TTC33: variants seen among roughly 807,000 people sequenced by gnomAD.
TTC33 encodes the protein tetratricopeptide repeat domain 33.
A neutral mutation model predicts 29.4 loss-of-function variants in TTC33; 24 were observed. The ratio of observed to expected loss-of-function variants is 0.82; its 90% CI spans 0.59 to 1.15. TTC33 has a LOEUF of 1.15. TTC33 is among the 50% of genes most tolerant of loss of function. The pLI is 0.00. For missense variants in TTC33, 286 were observed against 310.4 expected (o/e 0.92, Z 0.59); for synonymous variants, 107 against 100.3 (o/e 1.07, Z -0.40).
rs913016790 is a variant in TTC33, at chr5:40,726,462, C to CT, written c.435+1882dup. 7.3e-3 allele frequency among the ~76,000 whole-genome samples: 1,074 copies of CT among 146,432 alleles called. 8 individuals carry two copies. Among genetic ancestry groups the CT allele is most frequent in the African/African-American group, 0.024 (965 of 40,206 alleles). Reference sequence around the variant, plus strand: ...CCTTCGTTATGACATTTTGAGTCATCTTTTTTTTTTACCATTCTAGTCTTT... The same window carrying CT: ...CCTTCGTTATGACATTTTGAGTCATCTTTTTTTTTTTACCATTCTAGTCTTT... On this transcript the variant is annotated intron_variant, in intron 4 of 4. Coordinates refer to ENST00000337702, the MANE Select transcript of TTC33 (RefSeq NM_012382.3).
rs2111859743 is a variant in TTC33 at position 40,716,481 on chromosome 5, T to C, written c.453A>G (p.Gln151=). ...TCATTGGATAGATGTGAAGGGCTACTTGAAAACTTCGAATTGCCTAGAAAA... is the reference window on the plus strand; with the variant it reads ...TCATTGGATAGATGTGAAGGGCTACCTGAAAACTTCGAATTGCCTAGAAAA... ...GEIILAIRSF[Q]VALHIYPMNP... The change falls in exon 5 of 5, where the codon CAA becomes CAG. Residue 151 remains glutamine, a synonymous_variant. Transcript: ENST00000337702. 1 of 1,588,696 alleles carries C rather than the reference T, an allele frequency of 6.3e-7. No individual in the cohort carries two copies. Among genetic ancestry groups the C allele is most frequent in the Non-Finnish European group, 8.5e-7 (1 of 1,170,122 alleles).
rs139482757 is a variant in TTC33 at position 40,732,224 on chromosome 5, T to C, written c.222-1881A>G. On this transcript the variant is annotated intron_variant, in intron 2 of 4. Transcript: ENST00000337702. ...TAGAGACAGGGTCTCACTATGTTGC[T>C]CAGGCTGGTCTCAAACTTCTGGCCT... 4.2e-3 allele frequency among the ~76,000 whole-genome samples: 634 copies of C among 152,130 alleles called. 3 individuals are homozygous for C. The highest frequency in any genetic ancestry group is 0.015 in the African/African-American group (606 of 41,522).
chr5:40,755,341 G>A (rs1742964912), intron 1 of TTC33, among the ~76,000 whole-genome samples: 1 of 152,128 alleles, frequency 6.6e-6, no homozygotes, highest in Non-Finnish European at 1.5e-5. Flanking sequence ...TCCAAGAAAC[G>A]ATTTACCCAA....
At chr5:40,751,650 C>T (rs551252433) in intron 1 of TTC33, among the ~76,000 whole-genome samples, 2 of 152,256 alleles carry the variant, frequency 1.3e-5, no homozygotes, top group East Asian at 3.9e-4. Context: ...CAATAGAAAC[C>T]TGTGTCATCC....
chr5:40,730,842 GA>G (rs1554027431), intron 2 of TTC33, among the ~76,000 whole-genome samples: 1 of 151,824 alleles, frequency 6.6e-6, no homozygotes, highest in Non-Finnish European at 1.5e-5. Context: ...AGATAAGGGA[GA>G]AAAAAGTACA....
intron 2 of TTC33, among the ~76,000 whole-genome samples, chr5:40,740,224 G>A (rs569177656): frequency 6.6e-6 from 1 of 150,458 alleles, no homozygotes; most frequent in East Asian, 1.9e-4. Flanking sequence ...ACTTACCCAT[G>A]TTTACCACTT....
At chr5:40,734,772 C>G (rs1310634072) in intron 2 of TTC33, among the ~76,000 whole-genome samples, 19 of 152,186 alleles carry the variant, frequency 1.2e-4, no homozygotes. Flanking sequence ...CAGCACCCAA[C>G]AAGATATAAA....
intron 1 of TTC33, among the ~76,000 whole-genome samples, chr5:40,752,097 C>A (rs1337297171): frequency 2.0e-5 from 3 of 152,140 alleles, no homozygotes; most frequent in Admixed American, 6.6e-5. Flanking sequence ...CTTCTTAAAC[C>A]TCACAAACGA....
chr5:40,716,441 T>C lies in TTC33; in HGVS notation c.493A>G (p.Lys165Glu). 1 of 1,613,740 alleles carries C rather than the reference T, an allele frequency of 6.2e-7. No individual in the cohort carries two copies. Among genetic ancestry groups the C allele is most frequent in the Non-Finnish European group, 8.5e-7 (1 of 1,180,006 alleles). ...HIYPMNPEIW[K>E]EDLSWARTLQ... ...GTTCTTGCCCAAGAGAGGTCTTCTT[T>C]CCATATTTCAGGGTTCATTGGATAG... Residue 165 changes from lysine to glutamate, a missense_variant, in exon 5 of 5, where the codon AAA becomes GAA. Transcript: ENST00000337702.
At chr5:40,740,961 C>T (rs1041752736) in intron 2 of TTC33, among the ~76,000 whole-genome samples, 3 of 151,926 alleles carry the variant, frequency 2.0e-5, no homozygotes, top group African/African-American at 7.3e-5. Flanking sequence ...CATTTCACTC[C>T]TCATTATGTT....
chr5:40,727,839 G>T (rs1293036817), intron 4 of TTC33, among the ~76,000 whole-genome samples: 1 of 152,044 alleles, frequency 6.6e-6, no homozygotes, highest in Non-Finnish European at 1.5e-5. Flanking sequence ...TTCTGATCAT[G>T]ATATAATTAG....
At chr5:40,744,555 T>C (rs1455700617) in intron 2 of TTC33, among the ~76,000 whole-genome samples, 1 of 151,968 alleles carries the variant, frequency 6.6e-6, no homozygotes, top group African/African-American at 2.4e-5. Context: ...TCATTTTCTT[T>C]TAAATTCTCA....
intron 1 of TTC33, among the ~76,000 whole-genome samples, chr5:40,749,949 G>A (rs549151622): frequency 3.9e-5 from 6 of 152,016 alleles, no homozygotes; most frequent in Non-Finnish European, 7.4e-5. Flanking sequence ...TTATCCGGGC[G>A]TGGTGGCATG....
intron 1 of TTC33, among the ~76,000 whole-genome samples, chr5:40,750,053 A>G (rs933047049): frequency 2.6e-5 from 4 of 151,384 alleles, no homozygotes; most frequent in African/African-American, 9.7e-5. Context: ...GCACCACTGC[A>G]TTCCAGCCTG....
intron 2 of TTC33, among the ~76,000 whole-genome samples, chr5:40,736,391 A>T (rs1253615277): frequency 6.6e-6 from 1 of 152,224 alleles, no homozygotes; most frequent in Non-Finnish European, 1.5e-5. Context: ...AATGCATGGT[A>T]AATTCTAATT....
chr5:40,717,229 C>CAA (rs35359209), intron 4 of TTC33, among the ~76,000 whole-genome samples: 30,178 of 108,572 alleles, frequency 0.28, 4,695 homozygotes, highest in East Asian at 0.45. Flanking sequence ...AACTCCATCT[C>CAA]AAAAAAAAAA....
At chr5:40,735,329 C>G (rs184099516) in intron 2 of TTC33, among the ~76,000 whole-genome samples, 1 of 151,772 alleles carries the variant, frequency 6.6e-6, no homozygotes, top group Non-Finnish European at 1.5e-5. Context: ...TATGAGACAA[C>G]CAAAGTAATT....
chr5:40,712,139 C>T lies in TTC33; in HGVS notation c.*4006G>A, dbSNP rs1579662996. Among the ~76,000 whole-genome samples, 1 of 152,122 alleles carries T rather than the reference C, an allele frequency of 6.6e-6. No individual in the cohort carries two copies. Among genetic ancestry groups the T allele is most frequent in the South Asian group, 2.1e-4 (1 of 4,832 alleles). Reference sequence around the variant, plus strand: ...CTAATTCATTTCACATTCTTCCCTTCCAATTCAATCTAGAGTCAACAATGT... The same window carrying T: ...CTAATTCATTTCACATTCTTCCCTTTCAATTCAATCTAGAGTCAACAATGT... On this transcript the variant is annotated 3_prime_UTR_variant, in exon 5 of 5. Coordinates refer to ENST00000337702, the MANE Select transcript of TTC33 (RefSeq NM_012382.3).
intron 2 of TTC33, among the ~76,000 whole-genome samples, chr5:40,738,549 A>AAATAC (rs1742617570): frequency 4.2e-5 from 2 of 47,564 alleles, no homozygotes; most frequent in Non-Finnish European, 8.9e-5. Flanking sequence ...CAATAAAATA[A>AAATAC]AATAAAATAA....
Sources: gnomAD v4.1 joint callset for allele counts (sites outside exome capture counted in the v4.1 genomes callset) on GRCh38, gnomAD v4.1.1 for gene constraint, MANE v1.5 for transcripts, NCBI Gene and HGNC (gene_info 2026-07-23, HGNC 2026-07-21) for gene names.